MEIKIN: variants seen among roughly 807,000 people sequenced by gnomAD.
MEIKIN encodes meiosis-specific kinetochore protein.
intron 12 of MEIKIN, among the ~76,000 whole-genome samples, chr5:131,812,491 G>C (rs1561719475): frequency 6.6e-6 from 1 of 152,186 alleles, no homozygotes. Flanking sequence ...AGTAGTATGA[G>C]GGACATCCCT....
chr5:131,861,938 T>G (rs1201859993), intron 9 of MEIKIN, among the ~76,000 whole-genome samples: 2 of 152,294 alleles, frequency 1.3e-5, no homozygotes, highest in African/African-American at 4.8e-5. Flanking sequence ...TTGTTTAGTT[T>G]TGGAATCAGG....
chr5:131,850,743 A>G (rs1750101451), intron 11 of MEIKIN, among the ~76,000 whole-genome samples: 1 of 152,196 alleles, frequency 6.6e-6, no homozygotes, highest in Non-Finnish European at 1.5e-5. Flanking sequence ...ACAGGGCAAT[A>G]GCCTGGGCAC....
intron 11 of MEIKIN, among the ~76,000 whole-genome samples, chr5:131,820,074 CTT>C (rs138803335): frequency 7.1e-5 from 8 of 112,834 alleles, no homozygotes; most frequent in Admixed American, 9.6e-5. Flanking sequence ...CGCGCCCGGC[CTT>C]TTTTTTTTTT....
chr5:131,840,891 G>A (rs1561728824), intron 11 of MEIKIN, among the ~76,000 whole-genome samples: 1 of 152,188 alleles, frequency 6.6e-6, no homozygotes, highest in Non-Finnish European at 1.5e-5. Flanking sequence ...TTGTGGAGAG[G>A]TAGTGCTATC....
At chr5:131,849,965 G>T (rs1300395939) in intron 11 of MEIKIN, among the ~76,000 whole-genome samples, 1 of 151,342 alleles carries the variant, frequency 6.6e-6, no homozygotes, top group Non-Finnish European at 1.5e-5. Context: ...AATGAATTCA[G>T]CAAATTAACA....
intron 4 of MEIKIN, among the ~76,000 whole-genome samples, chr5:131,939,559 A>G (rs187210686): frequency 2.6e-5 from 4 of 152,280 alleles, no homozygotes; most frequent in East Asian, 3.9e-4. Flanking sequence ...TGTGTATTCA[A>G]TCTTCCACAT....
chr5:131,923,307 A>C (rs935032824), intron 5 of MEIKIN, among the ~76,000 whole-genome samples: 1 of 152,100 alleles, frequency 6.6e-6, no homozygotes, highest in African/African-American at 2.4e-5. Flanking sequence ...TTTTTCATCT[A>C]CTGTACTAGG....
intron 8 of MEIKIN, among the ~76,000 whole-genome samples, chr5:131,889,431 C>T (rs1296081059): frequency 6.6e-6 from 1 of 152,274 alleles, no homozygotes; most frequent in South Asian, 2.1e-4. Context: ...CTTCACGTCC[C>T]TTGTAAGTTG....
chr5:131,892,728 G>C (rs55945538), intron 8 of MEIKIN, among the ~76,000 whole-genome samples: 40,120 of 152,130 alleles, frequency 0.26, 5,609 homozygotes, highest in East Asian at 0.49. Context: ...CAAAGTCATT[G>C]TCCGTCCAGC....
rs545635139 is a variant in MEIKIN, at chr5:131,945,296, T to C, written c.107-47A>G. 2.0e-5 allele frequency: 8 copies of C among 399,086 alleles called. No individual in the cohort carries two copies. In the Admixed American group the frequency reaches 3.1e-4, roughly 15 times the overall value. The allele number at this position is 399,086 out of a possible 1,614,324, so 24.7% of individuals were successfully genotyped here. On this transcript the variant is annotated intron_variant, in intron 1 of 12. Coordinates refer to ENST00000442687, the MANE Select transcript of MEIKIN (RefSeq NM_001303622.2). ...CAGGGCAAGAAACCTACCCACCGGC[T>C]TCGGGGGGGTCCTGGGCCCGAGGCC...
intron 2 of MEIKIN, among the ~76,000 whole-genome samples, 194 bp downstream of exon 2, chr5:131,944,962 C>T (rs1751936836): frequency 6.6e-6 from 1 of 152,188 alleles, no homozygotes. Flanking sequence ...CGTAAATTGG[C>T]AAGCCTTCCC....
At chr5:131,857,594 C>G (rs1449878285) in intron 9 of MEIKIN, among the ~76,000 whole-genome samples, 1 of 152,164 alleles carries the variant, frequency 6.6e-6, no homozygotes, top group South Asian at 2.1e-4. Flanking sequence ...CCCAGGGGCC[C>G]TTCTCATAGC....
At chr5:131,942,551 AG>A (rs1325098128) in intron 4 of MEIKIN, 83 bp downstream of exon 4, 1 of 395,248 alleles carries the variant, frequency 2.5e-6, no homozygotes, top group Non-Finnish European at 4.5e-6. Context: ...CCACTGAGAT[AG>A]GAAGATGGGG....
At chr5:131,841,308 G>C (rs963234302) in intron 11 of MEIKIN, among the ~76,000 whole-genome samples, 1 of 152,110 alleles carries the variant, frequency 6.6e-6, no homozygotes, top group Non-Finnish European at 1.5e-5. Context: ...TTCATAGGTT[G>C]GTGGCAATGG....
At chr5:131,829,534 T>C (rs1402296708) in intron 11 of MEIKIN, among the ~76,000 whole-genome samples, 1 of 152,002 alleles carries the variant, frequency 6.6e-6, no homozygotes, top group Non-Finnish European at 1.5e-5. Flanking sequence ...TGTGGTAAAT[T>C]TGGTGAATCT....
chr5:131,838,756 G>C (rs1749854955), intron 11 of MEIKIN, among the ~76,000 whole-genome samples: 1 of 151,658 alleles, frequency 6.6e-6, no homozygotes, highest in Non-Finnish European at 1.5e-5. Flanking sequence ...CTCTTTATTA[G>C]TCTAGCTAGC....
At chr5:131,872,603 A>G (rs1750526348) in intron 9 of MEIKIN, among the ~76,000 whole-genome samples, 1 of 152,244 alleles carries the variant, frequency 6.6e-6, no homozygotes, top group Non-Finnish European at 1.5e-5. Context: ...AACTTCCCCA[A>G]TCTAGCAAGG....
At chr5:131,942,762 G>A (rs949826551) in intron 3 of MEIKIN, 67 bp from the exon 4 acceptor site, 22 of 395,164 alleles carry the variant, frequency 5.6e-5, no homozygotes, top group African/African-American at 4.5e-4. Flanking sequence ...TTATAATCTT[G>A]TACAGATTTA....
intron 11 of MEIKIN, among the ~76,000 whole-genome samples, chr5:131,844,156 G>C (rs773825407): frequency 1.3e-5 from 2 of 152,046 alleles, no homozygotes; most frequent in Admixed American, 6.6e-5. Flanking sequence ...AGAACAGCAA[G>C]GGGGAAACTG....
Sources: allele counts gnomAD v4.1 joint callset (sites outside exome capture counted in the v4.1 genomes callset), GRCh38; gene constraint gnomAD v4.1.1; transcripts MANE v1.5; gene names NCBI Gene and HGNC (gene_info 2026-07-23, HGNC 2026-07-21).